Variants in NLRP5 observed in about 807,000 individuals in gnomAD.
The protein encoded by NLRP5 is NACHT, LRR and PYD domains-containing protein 5.
NLRP5 carries 93 observed loss-of-function variants against 113.1 expected under a neutral mutation model. That is an observed-to-expected ratio of 0.82 (90% CI 0.70 to 0.98). The LOEUF (loss-of-function observed/expected upper bound fraction) is 0.98. Among genes scored for constraint, NLRP5 ranks in the 50% least tolerant of loss-of-function variants. NLRP5 has a pLI of 0.00. For missense variants in NLRP5, 1,808 were observed against 1,514.3 expected, an observed-to-expected ratio of 1.19 and a Z score of -3.22; for synonymous variants, 751 against 600.7, an observed-to-expected ratio of 1.25 and a Z score of -3.66.
At chr19:56,053,543 A>C in intron 12 of NLRP5, 95 bp from the exon 13 acceptor site, 1 of 1,127,320 alleles carries the variant, frequency 8.9e-7, no homozygotes, top group Non-Finnish European at 1.3e-6. Context: ...GTCAGGAAGG[A>C]ATAAAGGAAA....
In NLRP5 at chr19:56,002,122, G is replaced by A. The variant is rs570909798; in HGVS notation, c.63-1594G>A. On this transcript the variant is annotated intron_variant, in intron 1 of 14. Coordinates refer to ENST00000390649, the MANE Select transcript of NLRP5 (RefSeq NM_153447.4). ...TCCTGGACGTGCACCTATAAAATGA[G>A]TTAGCAGGTAGGGATAGAATTGGTC... Among the ~76,000 whole-genome samples, 3 of 152,310 alleles carry A rather than the reference G, an allele frequency of 2.0e-5. No individual in the cohort carries two copies. In the South Asian group the frequency reaches 6.2e-4, roughly 32 times the overall value.
At chr19:56,002,412 G>A (rs186899534) in intron 1 of NLRP5, among the ~76,000 whole-genome samples, 1 of 151,640 alleles carries the variant, frequency 6.6e-6, no homozygotes, top group Admixed American at 6.6e-5. Context: ...TAAGAACCCT[G>A]TAACTGGTTA....
chr19:56,030,714 C>CTTTTTTTTTTTCTTTTTTTTTTTTT (rs1983068463), intron 7 of NLRP5, among the ~76,000 whole-genome samples: 1 of 71,350 alleles, frequency 1.4e-5, no homozygotes, highest in African/African-American at 7.2e-5. Flanking sequence ...CTTTCTTCTT[C>CTTTTTTTTTTTCTTTTTTTTTTTTT]TTTTTTTTTT....
the NLRP5 span, among the ~76,000 whole-genome samples, chr19:55,987,301 C>T: frequency 2.0e-5 from 3 of 152,202 alleles, no homozygotes; most frequent in Non-Finnish European, 4.4e-5. Flanking sequence ...ACCCAGGAGG[C>T]AGAGGTTGCA....
At chr19:56,028,579 A>T in intron 7 of NLRP5, 70 bp downstream of exon 7, 1 of 1,424,270 alleles carries the variant, frequency 7.0e-7, no homozygotes, top group East Asian at 2.3e-5. Flanking sequence ...GGGACTTGAC[A>T]TGACTTCCAG....
intron 10 of NLRP5, among the ~76,000 whole-genome samples, chr19:56,040,479 A>C (rs1407891427): frequency 6.6e-6 from 1 of 152,144 alleles, no homozygotes; most frequent in Non-Finnish European, 1.5e-5. Context: ...GAGGCCGGAG[A>C]ATCATTTGAA....
At chr19:56,009,722 C>T (rs571088856) in intron 3 of NLRP5, among the ~76,000 whole-genome samples, 6 of 152,274 alleles carry the variant, frequency 3.9e-5, no homozygotes, top group African/African-American at 1.4e-4. Flanking sequence ...CCTCTGCTAC[C>T]TGCGCCGCTA....
intron 3 of NLRP5, among the ~76,000 whole-genome samples, chr19:56,015,385 G>T (rs1030901508): frequency 6.6e-6 from 1 of 152,026 alleles, no homozygotes; most frequent in Non-Finnish European, 1.5e-5. Flanking sequence ...TAGTAGAGAC[G>T]GGGTTTCACC....
chr19:56,059,016 A>G (rs1174272727), intron 14 of NLRP5, among the ~76,000 whole-genome samples: 5 of 152,228 alleles, frequency 3.3e-5, no homozygotes, highest in Admixed American at 6.5e-5. Context: ...TGAAATTCAT[A>G]GAGACAGAAT....
At chr19:56,055,291 C>T (rs1053433108) in intron 13 of NLRP5, among the ~76,000 whole-genome samples, 9 of 151,798 alleles carry the variant, frequency 5.9e-5, no homozygotes, top group East Asian at 5.8e-4. Context: ...CGCGCCTGGC[C>T]GGGACCCTTT....
At chr19:56,000,659 C>A (rs115734769) in intron 1 of NLRP5, among the ~76,000 whole-genome samples, 2,055 of 152,040 alleles carry the variant, frequency 0.014, 48 homozygotes, top group African/African-American at 0.047. Flanking sequence ...CCACTGCGCT[C>A]AGCCACCTCA....
intron 3 of NLRP5, among the ~76,000 whole-genome samples, chr19:56,015,128 T>G (rs1343866477): frequency 1.3e-5 from 2 of 152,234 alleles, no homozygotes; most frequent in African/African-American, 4.8e-5. Context: ...TCATTTCATT[T>G]GTTAAATTTG....
rs77691235 is a variant in NLRP5 at position 56,056,792 on chromosome 19, C to T, written c.3300-1448C>T. 4.9e-3 allele frequency among the ~76,000 whole-genome samples: 745 copies of T among 152,258 alleles called. 4 individuals are homozygous for T. The highest frequency in any genetic ancestry group is 0.016 in the African/African-American group (683 of 41,540). On this transcript the variant is annotated intron_variant, in intron 13 of 14. Transcript: ENST00000390649. ...AGCATTCAATCTTATCTCACCATCT[C>T]GCCATAGGTGGCTAAAACAACTTGA...
At chr19:56,013,222 G>A (rs116900556) in intron 3 of NLRP5, among the ~76,000 whole-genome samples, 5,661 of 152,046 alleles carry the variant, frequency 0.037, 134 homozygotes, top group East Asian at 0.069. Context: ...AGATGGAGTC[G>A]TGCTCTGTTG....
the NLRP5 span, chr19:55,988,119 G>C: frequency 2.1e-6 from 1 of 474,242 alleles, no homozygotes; most frequent in Non-Finnish European, 3.9e-6. Flanking sequence ...AAGGCTGGGC[G>C]TGGTGGCTCA....
At chr19:55,999,009 ACT>A (rs2123259205), upstream of NLRP5, among the ~76,000 whole-genome samples, 1 of 151,478 alleles carries the variant, frequency 6.6e-6, no homozygotes, top group South Asian at 2.1e-4. Context: ...ATCATTATTA[ACT>A]CTAGTTGCCA....
chr19:55,989,247 AT>A, the NLRP5 span, among the ~76,000 whole-genome samples: 1 of 152,010 alleles, frequency 6.6e-6, no homozygotes, highest in South Asian at 2.1e-4. Flanking sequence ...ACTTTTTAGT[AT>A]TTGGTGATTT....
intron 2 of NLRP5, among the ~76,000 whole-genome samples, chr19:56,005,353 A>ACG (rs1981843283): frequency 1.5e-5 from 2 of 134,824 alleles, no homozygotes; most frequent in African/African-American, 2.9e-5. Context: ...ACATACACAT[A>ACG]TATTTTTATA....
In NLRP5 at chr19:56,016,821, AT is replaced by A. The variant is rs367994084; in HGVS notation, c.565+1030del. Among the ~76,000 whole-genome samples the A allele has an allele frequency of 2.2e-4, 33 of 152,014 alleles. 1 individual carries two copies. The highest frequency in any genetic ancestry group is 6.8e-4 in the African/African-American group (28 of 41,474). On this transcript the variant is annotated intron_variant, in intron 4 of 14. Transcript: ENST00000390649. ...ATAACCCATTGTGTATATACACCAC[AT>A]TTTTTTAAGGGAGTCTTGCTCTGTT...
Sources: allele counts gnomAD v4.1 joint callset (sites outside exome capture counted in the v4.1 genomes callset), GRCh38; gene constraint gnomAD v4.1.1; transcripts MANE v1.5; gene names NCBI Gene and HGNC (gene_info 2026-07-23, HGNC 2026-07-21).